CNTN6: variants seen among roughly 807,000 people sequenced by gnomAD.
CNTN6 encodes contactin-6.
CNTN6 carries 137 observed loss-of-function variants against 122.8 expected under a neutral mutation model. The observed-to-expected ratio is 1.12, with a 90% CI of 0.97 to 1.29. CNTN6 has a LOEUF of 1.29. CNTN6 is among the 50% of genes most tolerant of loss of function. The pLI, the probability that CNTN6 is intolerant of heterozygous loss-of-function variation, is 0.00. For synonymous variants in CNTN6, 570 were observed against 426.0 expected (o/e 1.34, Z -4.16); for missense variants, 1,634 against 1,223.4 (o/e 1.34, Z -5.01).
chr3:1,346,253 G>A (rs557761482), intron 11 of CNTN6, among the ~76,000 whole-genome samples: 14 of 152,228 alleles, frequency 9.2e-5, no homozygotes, highest in African/African-American at 2.6e-4. Context: ...ACAGGTATTA[G>A]TTCATACAAT....
chr3:1,116,112 C>A (rs2091708019), intron 1 of CNTN6, among the ~76,000 whole-genome samples: 1 of 152,078 alleles, frequency 6.6e-6, no homozygotes, highest in Non-Finnish European at 1.5e-5. Flanking sequence ...AATCAGAAAT[C>A]TGAAGACATG....
intron 20 of CNTN6, among the ~76,000 whole-genome samples, chr3:1,394,749 G>A (rs1694772886): frequency 6.6e-6 from 1 of 152,086 alleles, no homozygotes; most frequent in African/African-American, 2.4e-5. Flanking sequence ...TTTTTCAGTT[G>A]ACCCAATTGA....
chr3:1,220,724 G>T lies in CNTN6; in HGVS notation c.93G>T (p.Glu31Asp), dbSNP rs763557123. ...GLLSRPIFTQ[E>D]PHDVIFPLDL... ...TAAGCCGTCCTATTTTTACTCAGGA[G>T]CCACATGATGTCATTTTTCCTTTGG... Residue 31 changes from glutamate to aspartate, a missense_variant, in exon 3 of 23, where the codon GAG (glutamate) becomes GAT (aspartate). Coordinates refer to ENST00000446702, the MANE Select transcript of CNTN6 (RefSeq NM_001289080.2). 6 of 1,612,792 alleles carry T rather than the reference G, an allele frequency of 3.7e-6. No individual in the cohort carries two copies. Among genetic ancestry groups the T allele is most frequent in the Non-Finnish European group, 5.1e-6 (6 of 1,179,482 alleles).
chr3:1,109,332 A>C (rs1368354132), intron 1 of CNTN6, among the ~76,000 whole-genome samples: 1 of 152,070 alleles, frequency 6.6e-6, no homozygotes, highest in Non-Finnish European at 1.5e-5. Context: ...TGCATGCAAA[A>C]TTGTAGAGGA....
chr3:1,386,122 A>G (rs980512999), intron 20 of CNTN6, among the ~76,000 whole-genome samples: 8 of 152,160 alleles, frequency 5.3e-5, no homozygotes, highest in Non-Finnish European at 7.4e-5. Context: ...GTTAGGTGGT[A>G]TTTATCTTTG....
intron 11 of CNTN6, among the ~76,000 whole-genome samples, chr3:1,351,108 C>G (rs1364042256): frequency 6.6e-6 from 1 of 151,872 alleles, no homozygotes; most frequent in Non-Finnish European, 1.5e-5. Context: ...GCTCCTTCCA[C>G]TCACTGATAA....
At chr3:1,333,877 C>T (rs1443800253) in intron 11 of CNTN6, among the ~76,000 whole-genome samples, 1 of 152,110 alleles carries the variant, frequency 6.6e-6, no homozygotes, top group African/African-American at 2.4e-5. Context: ...CACGTCTTTT[C>T]CTCTCTATGG....
chr3:1,140,092 A>C (rs1484252800), intron 1 of CNTN6, among the ~76,000 whole-genome samples: 3 of 152,188 alleles, frequency 2.0e-5, no homozygotes, highest in African/African-American at 7.2e-5. Flanking sequence ...ATTCTCCCTG[A>C]CTGTGGAAAG....
rs866963872 is a variant in CNTN6, at chr3:1,321,749, C to G, written c.861C>G (p.Phe287Leu). The G allele has an allele frequency of 1.2e-6, 2 of 1,611,762 alleles. No homozygotes were observed. The highest frequency in any genetic ancestry group is 1.6e-4 in the Middle Eastern group (1 of 6,066). The change falls in exon 8 of 23, where the codon TTC becomes TTG. Residue 287 changes from phenylalanine (F) to leucine (L), a missense_variant. Physicochemically the swap from Phe to Leu is conservative, Grantham distance 22. Transcript: ENST00000446702. The stretch of plus-strand genomic sequence containing the variant: ...AAGCTATCCTTGAAATCCCGAACTT[C>G]CAACAAGAAGATGAAGGCTTTTATG... ...KSQAILEIPN[F>L]QQEDEGFYEC... is the part of the protein sequence containing the mutation.
At chr3:1,315,918 G>T (rs115223184) in intron 7 of CNTN6, among the ~76,000 whole-genome samples, 1,799 of 151,984 alleles carry the variant, frequency 0.012, 47 homozygotes, top group African/African-American at 0.041. Flanking sequence ...TCTGATTTCA[G>T]TGTATAAATG....
intron 20 of CNTN6, among the ~76,000 whole-genome samples, chr3:1,388,054 CCCA>C: frequency 6.8e-6 from 1 of 148,076 alleles, no homozygotes; most frequent in Non-Finnish European, 1.5e-5. Context: ...CTGGGTGGAG[CCCA>C]CCACAGCTCA....
chr3:1,148,572 TTTC>T (rs1309836087), intron 2 of CNTN6, among the ~76,000 whole-genome samples: 1 of 152,156 alleles, frequency 6.6e-6, no homozygotes, highest in Non-Finnish European at 1.5e-5. Context: ...TTAGATATAT[TTTC>T]TTTTTAATTA....
chr3:1,383,940 G>A (rs1026223946), intron 19 of CNTN6, among the ~76,000 whole-genome samples: 3 of 143,126 alleles, frequency 2.1e-5, no homozygotes, highest in African/African-American at 7.9e-5. Context: ...GGAACTGGTG[G>A]TTGTGTCTTA....
chr3:1,160,344 G>GTATATATATATATATATATATA (rs56703431), intron 2 of CNTN6, among the ~76,000 whole-genome samples: 1,628 of 110,482 alleles, frequency 0.015, 40 homozygotes, highest in South Asian at 0.027. Context: ...TACTTTTACT[G>GTATATATATATATATATATATA]TATATATATA....
rs1559562614 is a variant in CNTN6, at chr3:1,233,603, T to TG, written c.358+5611dup. Among the ~76,000 whole-genome samples, 318 of 151,374 alleles carry TG rather than the reference T, an allele frequency of 2.1e-3. 3 individuals are homozygous for TG. The highest frequency in any genetic ancestry group is 5.0e-3 in the African/African-American group (205 of 41,244). On this transcript the variant is annotated intron_variant, in intron 4 of 22. Coordinates refer to ENST00000446702, the MANE Select transcript of CNTN6 (RefSeq NM_001289080.2). ...ACAAAAAATTAGCCGGGTGTGGTGGTGTGCACCTGTAATCCCAGCTACTCG... is the reference window on the plus strand; with the variant it reads ...ACAAAAAATTAGCCGGGTGTGGTGGTGGTGCACCTGTAATCCCAGCTACTCG...
chr3:1,300,567 AAGAAAGAAAGAAAGAAAG>A (rs1559755496), intron 7 of CNTN6, among the ~76,000 whole-genome samples: 2,302 of 54,484 alleles, frequency 0.042, 87 homozygotes, highest in African/African-American at 0.2. Flanking sequence ...AAAAGAAAGA[AAGAAAGAAAGAAAGAAAG>A]AAAGAAAGAA....
At chr3:1,190,976 C>T (rs1483973654) in intron 2 of CNTN6, among the ~76,000 whole-genome samples, 1 of 152,134 alleles carries the variant, frequency 6.6e-6, no homozygotes, top group Non-Finnish European at 1.5e-5. Flanking sequence ...TTATTTTCAA[C>T]CATCTCAGAG....
chr3:1,094,968 C>T (rs947621162), intron 1 of CNTN6, among the ~76,000 whole-genome samples: 1 of 151,864 alleles, frequency 6.6e-6, no homozygotes, highest in African/African-American at 2.4e-5. Context: ...AAGGGAAAAC[C>T]CATCACCTGT....
chr3:1,256,889 G>C (rs36102869), intron 4 of CNTN6, among the ~76,000 whole-genome samples: 38,946 of 151,918 alleles, frequency 0.26, 5,343 homozygotes, highest in East Asian at 0.39. Flanking sequence ...TATCCGAACA[G>C]TAGATACTGG....
Sources: gnomAD v4.1 joint callset for allele counts (sites outside exome capture counted in the v4.1 genomes callset) on GRCh38, gnomAD v4.1.1 for gene constraint, MANE v1.5 for transcripts, NCBI Gene and HGNC (gene_info 2026-07-23, HGNC 2026-07-21) for gene names.